ATP8A1: variants seen among roughly 807,000 people sequenced by gnomAD.
ATP8A1 encodes phospholipid-transporting ATPase IA.
ATP8A1 carries 90 observed loss-of-function variants against 177.7 expected under a neutral mutation model. That is an observed-to-expected ratio of 0.51 (90% CI 0.43 to 0.60). ATP8A1 has a LOEUF of 0.60. Among genes scored for constraint, ATP8A1 ranks in the 20% least tolerant of loss-of-function variants. ATP8A1 has a pLI of 0.00. For missense variants in ATP8A1, 1,072 were observed against 1,392.8 expected (o/e 0.77, Z 3.67); for synonymous variants, 493 against 485.9 (o/e 1.01, Z -0.19).
intron 33 of ATP8A1, among the ~76,000 whole-genome samples, chr4:42,435,461 A>AAAAAAAAAAAAAAAAAAAAAAAAAAAAC (rs1553871738): frequency 8.2e-6 from 1 of 122,346 alleles, no homozygotes; most frequent in Non-Finnish European, 1.8e-5. Context: ...AAAAAAAAAA[A>AAAAAAAAAAAAAAAAAAAAAAAAAAAAC]AACAAACTAT....
chr4:42,473,559 A>C (rs748916332), intron 25 of ATP8A1, among the ~76,000 whole-genome samples: 15 of 152,116 alleles, frequency 9.9e-5, no homozygotes, highest in Non-Finnish European at 1.2e-4. Context: ...CCAGTGTCTG[A>C]CTGGAGCACA....
chr4:42,563,203 A>G (rs1158537258), intron 15 of ATP8A1, among the ~76,000 whole-genome samples: 1 of 152,214 alleles, frequency 6.6e-6, no homozygotes, highest in Non-Finnish European at 1.5e-5. Context: ...TCTCAGATGC[A>G]GACAAGGAAC....
intron 25 of ATP8A1, chr4:42,472,529 A>T (rs1720546829): frequency 7.9e-6 from 2 of 251,804 alleles, no homozygotes; most frequent in East Asian, 1.1e-4. Flanking sequence ...TGGGCGGATC[A>T]CGAGGTCAGG....
intron 34 of ATP8A1, among the ~76,000 whole-genome samples, 191 bp downstream of exon 34, chr4:42,423,426 G>A (rs979273655): frequency 1.8e-4 from 27 of 152,092 alleles, no homozygotes; most frequent in South Asian, 6.2e-4. Flanking sequence ...GAAACTACCC[G>A]CTTTACTACT....
At chr4:42,428,775 G>C (rs1714919638) in intron 33 of ATP8A1, among the ~76,000 whole-genome samples, 1 of 152,074 alleles carries the variant, frequency 6.6e-6, no homozygotes, top group African/African-American at 2.4e-5. Context: ...TCTCAAGCCA[G>C]GCCCATCTCT....
chr4:42,572,472 T>C (rs1732004121), intron 14 of ATP8A1, among the ~76,000 whole-genome samples: 1 of 152,184 alleles, frequency 6.6e-6, no homozygotes, highest in East Asian at 1.9e-4. Flanking sequence ...TCACGGTTTC[T>C]CCAAAACTTT....
chr4:42,517,564 CAT>C (rs1236529286), intron 22 of ATP8A1, among the ~76,000 whole-genome samples: 3 of 152,158 alleles, frequency 2.0e-5, no homozygotes, highest in African/African-American at 7.2e-5. Flanking sequence ...TGAAATATCC[CAT>C]ATGATAATCC....
chr4:42,618,088 C>T (rs905655247), intron 4 of ATP8A1, among the ~76,000 whole-genome samples: 2 of 152,192 alleles, frequency 1.3e-5, no homozygotes, highest in Non-Finnish European at 2.9e-5. Flanking sequence ...ATTGACAGCA[C>T]ACGAATAAAC....
intron 20 of ATP8A1, among the ~76,000 whole-genome samples, chr4:42,528,123 C>A (rs1445682864): frequency 6.6e-6 from 1 of 152,114 alleles, no homozygotes. Flanking sequence ...AGTTTTAGCT[C>A]AGGTCTGACT....
At chr4:42,462,421 A>G (rs939682692) in intron 27 of ATP8A1, among the ~76,000 whole-genome samples, 6 of 152,242 alleles carry the variant, frequency 3.9e-5, no homozygotes, top group African/African-American at 1.2e-4. Flanking sequence ...GGGCCAACAT[A>G]GAGTTCGGGC....
chr4:42,485,424 T>C, intron 25 of ATP8A1, 72 bp downstream of exon 25: 1 of 1,383,382 alleles, frequency 7.2e-7, no homozygotes, highest in Non-Finnish European at 9.8e-7. Context: ...TTACTTTCAT[T>C]GACGTTTATA....
intron 35 of ATP8A1, 49 bp downstream of exon 35, chr4:42,422,758 A>G (rs1187713966): frequency 1.4e-6 from 2 of 1,451,080 alleles, no homozygotes; most frequent in South Asian, 2.3e-5. Context: ...CTAGTACAAG[A>G]TAAATTTAAA....
rs1479823329 is a variant in ATP8A1, at chr4:42,555,147, T to A, written c.1413+821A>T. 1.6e-4 allele frequency among the ~76,000 whole-genome samples: 12 copies of A among 74,534 alleles called. No homozygotes were observed. In the East Asian group the frequency reaches 4.0e-3, roughly 25 times the overall value. The allele number at this position is 74,534 out of a possible 152,430, so 48.9% of individuals were successfully genotyped here. On this transcript the variant is annotated intron_variant, in intron 16 of 36. Transcript: ENST00000381668. ...TATCTATCTATCTATCTAATCTATC[T>A]ATCTATCTATCTATCTATCTATCTA...
chr4:42,560,044 C>G (rs562222589), intron 15 of ATP8A1, among the ~76,000 whole-genome samples: 2 of 152,204 alleles, frequency 1.3e-5, no homozygotes, highest in East Asian at 3.9e-4. Context: ...TTAGGAAACA[C>G]AAAGGCCCAT....
Position 42,551,140 on chromosome 4 carries a change from T to G in ATP8A1, c.1602+58A>C, listed in dbSNP as rs1729459878. On this transcript the variant is annotated intron_variant, in intron 18 of 36. Transcript: ENST00000381668. Reference sequence around the variant, plus strand: ...GAGCCTTTTGGTATTACTTTATCTTTGAAGCTATGCAAATGTATTACTTGG... The same window carrying G: ...GAGCCTTTTGGTATTACTTTATCTTGGAAGCTATGCAAATGTATTACTTGG... The G allele has an allele frequency of 5.8e-6, 8 of 1,390,206 alleles. No individual in the cohort carries two copies. In the African/African-American group the frequency reaches 7.1e-5, roughly 12 times the overall value. The allele number at this position is 1,390,206 out of a possible 1,614,324, so 86.1% of individuals were successfully genotyped here.
chr4:42,416,456 T>A (rs1005680050), intron 35 of ATP8A1, among the ~76,000 whole-genome samples: 42 of 152,324 alleles, frequency 2.8e-4, no homozygotes, highest in African/African-American at 9.4e-4. Flanking sequence ...TAGTCTTTCA[T>A]ATTACAGCAA....
At chr4:42,525,993 G>A (rs1350850989) in intron 20 of ATP8A1, among the ~76,000 whole-genome samples, 2 of 151,958 alleles carry the variant, frequency 1.3e-5, no homozygotes, top group Non-Finnish European at 2.9e-5. Context: ...AGAATGAGAA[G>A]AATCATTTGT....
rs965029711 is a variant in ATP8A1, at chr4:42,411,381, C to CT, written c.*1534dup. 1.2e-4 allele frequency: 18 copies of CT among 152,054 alleles called. No individual in the cohort carries two copies. The East Asian group carries it at 3.5e-3, about 29-fold the overall frequency. The allele number at this position is 152,054 out of a possible 1,614,324, so 9.4% of individuals were successfully genotyped here. ...ATCACCTCTTCTCAATTCTAGTTGA[C>CT]TTTTTTTAAAAGAGAAAGTTCTACC... On this transcript the variant is annotated 3_prime_UTR_variant, in exon 37 of 37. Transcript: ENST00000381668.
At chr4:42,576,827 T>C (rs1732511164) in intron 12 of ATP8A1, among the ~76,000 whole-genome samples, 1 of 152,144 alleles carries the variant, frequency 6.6e-6, no homozygotes, top group Non-Finnish European at 1.5e-5. Flanking sequence ...GGAAATCACA[T>C]GAACTGAAGG....
Sources: allele counts gnomAD v4.1 joint callset (sites outside exome capture counted in the v4.1 genomes callset), GRCh38; gene constraint gnomAD v4.1.1; transcripts MANE v1.5; gene names NCBI Gene and HGNC (gene_info 2026-07-23, HGNC 2026-07-21).